The following DLGAP2 variants were observed in gnomAD, a reference collection of about 807,000 sequenced individuals.
DLGAP2 encodes the protein disks large-associated protein 2.
A neutral mutation model predicts 100.3 loss-of-function variants in DLGAP2; 26 were observed. That is an observed-to-expected ratio of 0.26 (90% CI 0.19 to 0.36). The LOEUF (loss-of-function observed/expected upper bound fraction) is 0.36. Among genes scored for constraint, DLGAP2 ranks in the 10% least tolerant of loss-of-function variants. DLGAP2 has a pLI of 1.00. For missense variants in DLGAP2, 1,858 were observed against 1,453.2 expected (o/e 1.28, Z -4.53); for synonymous variants, 886 against 630.1 (o/e 1.41, Z -6.08).
chr8:1,149,428 C>T (rs1463653181), intron 2 of DLGAP2, among the ~76,000 whole-genome samples: 12 of 152,214 alleles, frequency 7.9e-5, no homozygotes, highest in Admixed American at 2.6e-4. Flanking sequence ...ATTACAGGCA[C>T]CAGCCACCGC....
At chr8:1,287,471 C>CGTGTGT (rs764935176) in intron 3 of DLGAP2, among the ~76,000 whole-genome samples, 1 of 23,334 alleles carries the variant, frequency 4.3e-5, no homozygotes, top group Non-Finnish European at 6.8e-5. Context: ...TTCGGTTCAG[C>CGTGTGT]GTGTGTGTGT....
At chr8:1,348,959 C>T (rs1041587531) in intron 3 of DLGAP2, among the ~76,000 whole-genome samples, 4 of 152,150 alleles carry the variant, frequency 2.6e-5, no homozygotes, top group South Asian at 4.2e-4. Context: ...CATGGTCTGT[C>T]GCCTTCCTTA....
intron 2 of DLGAP2, among the ~76,000 whole-genome samples, chr8:1,244,500 T>G (rs889751550): frequency 6.6e-6 from 1 of 152,220 alleles, no homozygotes; most frequent in Non-Finnish European, 1.5e-5. Context: ...ATGGAGGGCT[T>G]GAGGCTGCCT....
In DLGAP2 at chr8:1,706,368, G is replaced by T. The variant is rs1295033493; in HGVS notation, c.*4962G>T. On this transcript the variant is annotated 3_prime_UTR_variant, in exon 15 of 15. Transcript: ENST00000637795. ...TGGCTCTAAAGTCCTTTGAGCTCCT[G>T]GGAACAGGTGGTGAAAGTGTGCGTT... 1 of 152,224 alleles carries T rather than the reference G, an allele frequency of 6.6e-6. No homozygotes were observed. Among genetic ancestry groups the T allele is most frequent in the African/African-American group, 2.4e-5 (1 of 41,448 alleles). 9.4% of individuals were successfully genotyped at this position (152,224 alleles called of 1,614,324 possible).
In DLGAP2 at chr8:1,526,384, G is replaced by T. The variant is rs80105149; in HGVS notation, c.173-22242G>T. ...CAGGGGAGGAATTGGGGGCTCAGAG[G>T]GTGGGAATGCATGTGGGTCCAAGGG... On this transcript the variant is annotated intron_variant, in intron 4 of 14. Coordinates refer to ENST00000637795, the MANE Select transcript of DLGAP2 (RefSeq NM_001346810.2). 2.0e-5 allele frequency among the ~76,000 whole-genome samples: 3 copies of T among 152,112 alleles called. No homozygotes were observed. The East Asian group carries it at 5.8e-4, about 30-fold the overall frequency.
chr8:1,585,141 G>T (rs953701137), intron 6 of DLGAP2, among the ~76,000 whole-genome samples: 4 of 152,078 alleles, frequency 2.6e-5, no homozygotes, highest in African/African-American at 9.7e-5. Flanking sequence ...TAAGAGGGAG[G>T]CTCCTAAGAC....
chr8:823,090 CCTT>C (rs746843735), intron 1 of DLGAP2, among the ~76,000 whole-genome samples: 10 of 152,208 alleles, frequency 6.6e-5, no homozygotes, highest in Non-Finnish European at 7.4e-5. Context: ...CCTGTCATCT[CCTT>C]CTGTTTCTTT....
rs549983531 is a variant in DLGAP2, at chr8:812,339, G to A, written c.18+74514G>A. ...GTGTCCTGACTGCCCATGGGGGATG[G>A]TGAGGGAAATGGAGTTAGCGATGGT... On this transcript the variant is annotated intron_variant, in intron 1 of 14. Coordinates refer to ENST00000637795, the MANE Select transcript of DLGAP2 (RefSeq NM_001346810.2). Among the ~76,000 whole-genome samples, 12 of 152,282 alleles carry A rather than the reference G, an allele frequency of 7.9e-5. No individual in the cohort carries two copies. The South Asian group carries it at 2.5e-3, about 32-fold the overall frequency.
chr8:926,083 T>C (rs1798808780), intron 2 of DLGAP2, among the ~76,000 whole-genome samples: 1 of 152,180 alleles, frequency 6.6e-6, no homozygotes, highest in Non-Finnish European at 1.5e-5. Flanking sequence ...GACGCTTTCA[T>C]GTCTGGGCCT....
At chr8:989,005 C>T (rs1008877513) in intron 2 of DLGAP2, among the ~76,000 whole-genome samples, 3 of 152,172 alleles carry the variant, frequency 2.0e-5, no homozygotes, top group Non-Finnish European at 4.4e-5. Flanking sequence ...TGCCTCCGCT[C>T]GCGGCTCCCT....
At chr8:1,230,712 A>C (rs187171007) in intron 2 of DLGAP2, among the ~76,000 whole-genome samples, 10 of 152,286 alleles carry the variant, frequency 6.6e-5, no homozygotes, top group Admixed American at 2.0e-4. Flanking sequence ...CATACAGCTA[A>C]AGTCATCTAA....
chr8:1,093,287 A>G (rs1804246514), intron 2 of DLGAP2, among the ~76,000 whole-genome samples: 1 of 148,820 alleles, frequency 6.7e-6, no homozygotes, highest in South Asian at 2.1e-4. Flanking sequence ...ACAGCCAGAA[A>G]CACCTTCACA....
At chr8:1,320,777 C>A (rs1238009729) in intron 3 of DLGAP2, among the ~76,000 whole-genome samples, 1 of 152,208 alleles carries the variant, frequency 6.6e-6, no homozygotes, top group East Asian at 1.9e-4. Flanking sequence ...GCCATAGCCC[C>A]ACAAGAACAG....
intron 2 of DLGAP2, among the ~76,000 whole-genome samples, chr8:1,067,046 T>C (rs2129036425): frequency 6.6e-6 from 1 of 152,090 alleles, no homozygotes; most frequent in East Asian, 1.9e-4. Flanking sequence ...CAGAGAGGGG[T>C]TGGTCTCCTT....
At chr8:1,694,939 C>T (rs1178561808) in intron 13 of DLGAP2, among the ~76,000 whole-genome samples, 4 of 152,106 alleles carry the variant, frequency 2.6e-5, no homozygotes, top group Non-Finnish European at 5.9e-5. Context: ...CAAAAGAGAA[C>T]AGAAGACAAA....
At chr8:1,202,443 C>G (rs1797899696) in intron 2 of DLGAP2, among the ~76,000 whole-genome samples, 1 of 151,980 alleles carries the variant, frequency 6.6e-6, no homozygotes, top group African/African-American at 2.4e-5. Flanking sequence ...TGTGTGGTTT[C>G]AGTTTGGGTT....
At chr8:1,071,240 C>G (rs1270934312) in intron 2 of DLGAP2, among the ~76,000 whole-genome samples, 1 of 152,190 alleles carries the variant, frequency 6.6e-6, no homozygotes, top group Non-Finnish European at 1.5e-5. Flanking sequence ...TAGAGTAACC[C>G]AGCATTAAGT....
At chr8:1,433,565 A>C (rs1797521519) in intron 3 of DLGAP2, among the ~76,000 whole-genome samples, 1 of 152,178 alleles carries the variant, frequency 6.6e-6, no homozygotes, top group Admixed American at 6.5e-5. Flanking sequence ...ACATTTGAAG[A>C]ATAGTCCTAA....
chr8:1,245,058 TGTTAGGATG>T (rs1798875584), intron 2 of DLGAP2, among the ~76,000 whole-genome samples: 1 of 152,082 alleles, frequency 6.6e-6, no homozygotes, highest in Non-Finnish European at 1.5e-5. Flanking sequence ...ATTGCCCACG[TGTTAGGATG>T]GCCATAATGG....
Sources: gnomAD v4.1 joint callset for allele counts (sites outside exome capture counted in the v4.1 genomes callset) on GRCh38, gnomAD v4.1.1 for gene constraint, MANE v1.5 for transcripts, NCBI Gene and HGNC (gene_info 2026-07-23, HGNC 2026-07-21) for gene names.